CCAR1: variants seen among roughly 807,000 people sequenced by gnomAD.
CCAR1 encodes the protein cell division cycle and apoptosis regulator protein 1.
A neutral mutation model predicts 163.8 loss-of-function variants in CCAR1; 78 were observed. The ratio of observed to expected loss-of-function variants is 0.48; its 90% confidence interval spans 0.40 to 0.57. The LOEUF (loss-of-function observed/expected upper bound fraction) is 0.57, where lower values mean the gene tolerates loss of function less well. Ranked by LOEUF, CCAR1 falls within the 20% of genes least tolerant of loss-of-function variation. CCAR1 has a pLI of 0.00. For synonymous variants in CCAR1, 443 were observed against 460.7 expected (o/e 0.96, Z 0.49); for missense variants, 1,019 against 1,365.2 (o/e 0.75, Z 4.00).
chr10:68,755,706 T>G (rs956408834), intron 13 of CCAR1, among the ~76,000 whole-genome samples, 170 bp downstream of exon 13: 1 of 152,204 alleles, frequency 6.6e-6, no homozygotes, highest in Non-Finnish European at 1.5e-5. Context: ...CCAAAATGTT[T>G]TGGGGGAAAA....
intron 16 of CCAR1, among the ~76,000 whole-genome samples, chr10:68,764,201 C>G (rs2056508923): frequency 6.6e-6 from 1 of 152,104 alleles, no homozygotes. Flanking sequence ...GATTATTGTC[C>G]TTGCTCCATC....
chr10:68,766,211 G>GTT, intron 17 of CCAR1, 132 bp downstream of exon 17: 4 of 607,812 alleles, frequency 6.6e-6, no homozygotes, highest in Admixed American at 3.4e-5. Context: ...TTTTGTTTTT[G>GTT]TTTTTTTTTG....
rs2056833190 is a variant in CCAR1, at chr10:68,789,768, A to G, written c.3246A>G (p.Glu1082=). The G allele has an allele frequency of 3.1e-6, 5 of 1,606,958 alleles. No homozygotes were observed. Among genetic ancestry groups the G allele is most frequent in the Non-Finnish European group, 4.2e-6 (5 of 1,177,170 alleles). The part of the protein sequence containing the change: ...LENSNKSLSG[E]LREVKKDLSQ... The stretch of plus-strand genomic sequence containing the variant: ...ATTCCAACAAAAGCCTCTCTGGTGA[A>G]CTCAGAGAAGTTAAAAAGGACCTTA... Residue 1082 remains glutamate (E), a synonymous_variant, in exon 24 of 25, where the codon GAA becomes GAG. Coordinates refer to ENST00000265872, the MANE Select transcript of CCAR1 (RefSeq NM_018237.4).
At chr10:68,749,723 A>G (rs181339618) in intron 10 of CCAR1, 38 bp downstream of exon 10, 4 of 1,496,764 alleles carry the variant, frequency 2.7e-6, no homozygotes, top group Admixed American at 3.6e-5. Context: ...TTGAGTTACT[A>G]ATTTCATATA....
At chr10:68,783,869 C>T (rs1026113176) in intron 19 of CCAR1, among the ~76,000 whole-genome samples, 7 of 151,870 alleles carry the variant, frequency 4.6e-5, no homozygotes, top group Middle Eastern at 3.4e-3. Flanking sequence ...GCCATTCTGC[C>T]TCAGCCTCCT....
intron 16 of CCAR1, among the ~76,000 whole-genome samples, chr10:68,762,355 C>CA (rs11292488): frequency 7.3e-5 from 11 of 150,426 alleles, no homozygotes; most frequent in South Asian, 4.2e-4. Context: ...AAAAAACAAA[C>CA]AAAAAAAAAA....
intron 2 of CCAR1, among the ~76,000 whole-genome samples, chr10:68,724,942 C>G (rs554000622): frequency 9.3e-4 from 141 of 152,178 alleles, no homozygotes; most frequent in African/African-American, 3.3e-3. Flanking sequence ...AGTTCAAGAC[C>G]AGCCTGACAA....
Position 68,771,284 on chromosome 10 carries a change from C to G in CCAR1, c.2377C>G (p.Leu793Val). ...GVRIYKSLLS[L>V]PEKEDKKEKD... Reference sequence around the variant, plus strand: ...CCGTATATACAAATCATTACTGTCTCTTCCTGAGAAAGAGGACAAAAAAGA... The same window carrying G: ...CCGTATATACAAATCATTACTGTCTGTTCCTGAGAAAGAGGACAAAAAAGA... Residue 793 changes from leucine (L) to valine (V), a missense_variant, in exon 18 of 25, where the codon CTT becomes GTT. Around this residue, in one of 4 missense-constraint regions of CCAR1, gnomAD observed 358 missense variants for 406.4 expected, o/e 0.88. Transcript: ENST00000265872. The G allele has an allele frequency of 1.2e-6, 2 of 1,607,068 alleles. No homozygotes were observed. The highest frequency in any genetic ancestry group is 1.7e-6 in the Non-Finnish European group (2 of 1,176,676).
At chr10:68,783,696 A>T (rs117879798) in intron 19 of CCAR1, among the ~76,000 whole-genome samples, 1 of 152,148 alleles carries the variant, frequency 6.6e-6, no homozygotes, top group Non-Finnish European at 1.5e-5. Flanking sequence ...AAAATTAGAA[A>T]TGCAGCCTGA....
At chr10:68,785,477 C>A (rs913729566) in intron 19 of CCAR1, among the ~76,000 whole-genome samples, 3 of 152,142 alleles carry the variant, frequency 2.0e-5, no homozygotes, top group Admixed American at 2.0e-4. Context: ...CTGCCTCAGC[C>A]TCCCAAAGTG....
rs956585302 is a variant in CCAR1 at position 68,789,877 on chromosome 10, T to G, written c.3355T>G (p.Ser1119Ala). 1 of 1,599,640 alleles carries G rather than the reference T, an allele frequency of 6.3e-7. No individual in the cohort carries two copies. Among genetic ancestry groups the G allele is most frequent in the East Asian group, 2.2e-5 (1 of 44,672 alleles). ...AATGAATAAGACAATCAGAAACTTA[T>G]CTACGGTAATGGATGAAATCCACAC... is the stretch of plus-strand genomic sequence containing the variant. ...NQMNKTIRNLSTVMDEIHTVL... is the reference protein window; with the variant it reads ...NQMNKTIRNLATVMDEIHTVL... The change falls in exon 24 of 25, where the codon TCT becomes GCT. Residue 1119 changes from serine to alanine, a missense_variant. Ser to Ala is a moderately conservative substitution (Grantham distance 99, BLOSUM62 1). Transcript: ENST00000265872.
chr10:68,733,785 T>C lies in CCAR1; in HGVS notation c.74-3091T>C, dbSNP rs1461336151. Among the ~76,000 whole-genome samples, 4 of 152,266 alleles carry C rather than the reference T, an allele frequency of 2.6e-5. No homozygotes were observed. In the East Asian group the frequency reaches 7.7e-4, roughly 29 times the overall value. Reference sequence around the variant, plus strand: ...TTCAAGTGATTCTCCTGCCTCAGCCTCCCGAATAGCTGGGATGACAGGCTC... The same window carrying C: ...TTCAAGTGATTCTCCTGCCTCAGCCCCCCGAATAGCTGGGATGACAGGCTC... On this transcript the variant is annotated intron_variant, in intron 2 of 24. Transcript: ENST00000265872.
At chr10:68,788,370 G>T (rs776331065) in intron 23 of CCAR1, 42 bp downstream of exon 23, 1 of 1,400,506 alleles carries the variant, frequency 7.1e-7, no homozygotes, top group East Asian at 2.4e-5. Flanking sequence ...TCAGCACCCT[G>T]CTGGGACACG....
rs1474954386 is a variant in CCAR1, at chr10:68,757,385, TG to T, written c.1920+9del. 1 of 1,411,708 alleles carries T rather than the reference TG, an allele frequency of 7.1e-7. No individual in the cohort carries two copies. The highest frequency in any genetic ancestry group is 1.8e-5 in the Admixed American group (1 of 55,088). 87.4% of individuals were successfully genotyped at this position (1,411,708 alleles called of 1,614,324 possible). Reference sequence around the variant, plus strand: ...GATCCAAAGACAATGAAGGTAACTTTGATAAGGATGGATTTTATTTATTTTT... The same window carrying T: ...GATCCAAAGACAATGAAGGTAACTTTATAAGGATGGATTTTATTTATTTTT... On this transcript the variant is annotated intron_variant, in intron 15 of 24. Coordinates refer to ENST00000265872, the MANE Select transcript of CCAR1 (RefSeq NM_018237.4).
intron 17 of CCAR1, among the ~76,000 whole-genome samples, chr10:68,766,444 C>T (rs551754889): frequency 1.6e-4 from 25 of 151,718 alleles, no homozygotes; most frequent in Non-Finnish European, 3.4e-4. Context: ...CTCAGGTGAT[C>T]TGCCCGCCTC....
intron 15 of CCAR1, chr10:68,759,376 C>T (rs1054961235): frequency 6.5e-6 from 1 of 153,374 alleles, no homozygotes; most frequent in African/African-American, 2.4e-5. Context: ...CATTGTGCCA[C>T]TGTACTCCAG....
At chr10:68,744,605 G>GTACAACA (rs1051727260) in intron 6 of CCAR1, among the ~76,000 whole-genome samples, 6 of 152,140 alleles carry the variant, frequency 3.9e-5, no homozygotes, top group South Asian at 4.1e-4. Flanking sequence ...AGGAAATACT[G>GTACAACA]TACAACATTT....
intron 17 of CCAR1, among the ~76,000 whole-genome samples, chr10:68,769,091 C>T (rs1045992022): frequency 6.6e-6 from 1 of 152,094 alleles, no homozygotes; most frequent in African/African-American, 2.4e-5. Context: ...TCTCCTGCCT[C>T]GACGTCCCGA....
chr10:68,721,571 C>T (rs926119604), intron 1 of CCAR1: 1 of 450,114 alleles, frequency 2.2e-6, no homozygotes, highest in Non-Finnish European at 4.5e-6. Context: ...CCATTGCTCC[C>T]GAGCCGCTGC....
Sources: gnomAD v4.1 joint callset for allele counts (sites outside exome capture counted in the v4.1 genomes callset) on GRCh38, gnomAD v4.1.1 for gene constraint, gnomAD v4.1.1 regional missense constraint, MANE v1.5 for transcripts, NCBI Gene and HGNC (gene_info 2026-07-23, HGNC 2026-07-21) for gene names.